Variants in WDR81 observed in about 807,000 individuals in gnomAD.
WDR81 encodes WD repeat domain 81, also known as WD repeat-containing protein 81.
WDR81 carries 92 observed loss-of-function variants against 140.8 expected under a neutral mutation model. The ratio of observed to expected loss-of-function variants is 0.65; its 90% CI spans 0.55 to 0.78. The LOEUF is 0.78. Ranked by LOEUF, WDR81 falls within the 30% of genes least tolerant of loss-of-function variation. The pLI is 0.00. For missense variants in WDR81, 2,502 were observed against 2,636.4 expected, an observed-to-expected ratio of 0.95 and a Z score of 1.12; for synonymous variants, 1,183 against 1,156.4, an observed-to-expected ratio of 1.02 and a Z score of -0.47.
chr17:1,730,549 C>T (rs1011966131), intron 2 of WDR81, 62 bp downstream of exon 2: 15 of 1,530,192 alleles, frequency 9.8e-6, no homozygotes, highest in Non-Finnish European at 1.3e-5. Context: ...TGCCTAGCTT[C>T]AGCGCTCTCC....
Position 1,736,109 on chromosome 17 carries a change from G to T in WDR81, c.5396G>T (p.Arg1799Leu), listed in dbSNP as rs780532350. 3.1e-6 allele frequency: 5 copies of T among 1,602,716 alleles called. No homozygotes were observed. The highest frequency in any genetic ancestry group is 4.2e-6 in the Non-Finnish European group (5 of 1,179,860). The change falls in exon 9 of 10, where the codon CGT becomes CTT. Residue 1799 changes from arginine to leucine, a missense_variant. This residue lies in a region of WDR81 where 1,737 missense variants were observed against 1,843.0 expected (regional missense o/e 0.94). Transcript: ENST00000409644. ...VRALAISPSG[R>L]SVVAGFSSGF... ...GCCCTGGCCATCAGCCCCAGTGGCC[G>T]TAGTGTCGTGGCCGGCTTCTCCTCA...
upstream of WDR81, among the ~76,000 whole-genome samples, chr17:1,723,025 C>T (rs972822607): frequency 6.6e-6 from 1 of 152,090 alleles, no homozygotes; most frequent in Non-Finnish European, 1.5e-5. Flanking sequence ...CTTTATGGGA[C>T]CCTCACACCT....
rs144705199 is a variant in WDR81, at chr17:1,730,808, G to A, written c.3829G>A (p.Ala1277Thr). 71 of 1,612,330 alleles carry A rather than the reference G, an allele frequency of 4.4e-5. No individual in the cohort carries two copies. The African/African-American group carries it at 7.2e-4, about 16-fold the overall frequency. The change falls in exon 3 of 10, where the codon GCC becomes ACC. Residue 1277 changes from alanine to threonine, a missense_variant. Ala to Thr is a moderately conservative substitution (Grantham distance 58). This residue lies in a region of WDR81 where 1,737 missense variants were observed against 1,843.0 expected (regional missense o/e 0.94). Transcript: ENST00000409644. ...VSSGESPPLS[A>T]GNIYQKRPVL... ...CAGTGGCGAGAGCCCACCGCTGAGC[G>A]CCGGCAACATCTACCAGAAGAGGCC...
chr17:1,736,909 A>C (rs1904916170), intron 9 of WDR81, among the ~76,000 whole-genome samples: 1 of 152,182 alleles, frequency 6.6e-6, no homozygotes, highest in South Asian at 2.1e-4. Context: ...GGGAACCCTC[A>C]GCTCAAGGTG....
At chr17:1,716,847 T>C (rs1914592463) in intron 1 of WDR81, 2 of 616,088 alleles carry the variant, frequency 3.2e-6, no homozygotes, top group Non-Finnish European at 5.6e-6. Flanking sequence ...CAGCAGAGAC[T>C]GCCGTTGGAG....
Position 1,731,317 on chromosome 17 carries a change from G to C in WDR81, c.4157+59G>C, listed in dbSNP as rs374270270. ...GGCCCAGCGGAGGGGCTGCCCAGGA[G>C]GGGGTGGGAAGCTCAGGGGAGAGGA... On this transcript the variant is annotated intron_variant, in intron 4 of 9. Transcript: ENST00000409644. 3.7e-5 allele frequency: 58 copies of C among 1,555,002 alleles called. No homozygotes were observed. In the African/African-American group the frequency reaches 6.1e-4, roughly 16 times the overall value.
Position 1,727,283 on chromosome 17 carries a change from G to A in WDR81, c.2324G>A (p.Gly775Asp). ...CTCCACAGGGACATGCAGGCGCTGG[G>A]TGTCCTATTGGCAGAGATGGTGTTT... ...CLLHRDMQAL[G>D]VLLAEMVFAT... The change falls in exon 1 of 10, where the codon GGT becomes GAT. Residue 775 changes from glycine (G) to aspartate (D), a missense_variant. Coordinates refer to ENST00000409644, the MANE Select transcript of WDR81 (RefSeq NM_001163809.2). The A allele has an allele frequency of 6.5e-7, 1 of 1,550,234 alleles. No homozygotes were observed. Among genetic ancestry groups the A allele is most frequent in the East Asian group, 2.4e-5 (1 of 40,922 alleles).
Position 1,735,706 on chromosome 17 carries a change from C to T in WDR81, c.5314C>T (p.Pro1772Ser), listed in dbSNP as rs144021458. 160 of 1,612,258 alleles carry T rather than the reference C, an allele frequency of 9.9e-5. No homozygotes were observed. In the Middle Eastern group the frequency reaches 2.0e-3, roughly 20 times the overall value. The change falls in exon 8 of 10, where the codon CCT becomes TCT. Residue 1772 changes from proline (P) to serine (S), a missense_variant. By Grantham distance (74) the Pro-to-Ser change is moderately conservative (BLOSUM62 -1). Transcript: ENST00000409644. The surrounding 1 kb of genome is among the most constrained non-coding windows in gnomAD (Gnocchi z 4.2). Reference sequence around the variant, plus strand: ...CCTGCGCTTTGTGGACTGCAGGAAGCCTGGTCTGCAGGTCAGGGGGGTCCA... The same window carrying T: ...CCTGCGCTTTGTGGACTGCAGGAAGTCTGGTCTGCAGGTCAGGGGGGTCCA... Reference protein sequence around the residue: ...STLRFVDCRKPGLQHEFRLGG... With the variant: ...STLRFVDCRKSGLQHEFRLGG...
In WDR81 at chr17:1,735,467, C is replaced by G. The variant is rs972868439; in HGVS notation, c.5180-105C>G. ...CATCTTTAGCATTTTCTAAGGATCC[C>G]TGGGGGACGGGAGGCAGGTGTGCGG... On this transcript the variant is annotated intron_variant, in intron 7 of 9. Coordinates refer to ENST00000409644, the MANE Select transcript of WDR81 (RefSeq NM_001163809.2). The surrounding 1 kb of genome is among the most constrained non-coding windows in gnomAD (Gnocchi z 4.2). 84 of 1,199,018 alleles carry G rather than the reference C, an allele frequency of 7.0e-5. No individual in the cohort carries two copies. Among genetic ancestry groups the G allele is most frequent in the Non-Finnish European group, 9.3e-5 (82 of 883,120 alleles). The allele number at this position is 1,199,018 out of a possible 1,614,324, so 74.3% of individuals were successfully genotyped here.
chr17:1,737,290 A>C, intron 9 of WDR81, 75 bp from the exon 10 acceptor site: 6 of 1,413,864 alleles, frequency 4.2e-6, no homozygotes, highest in Middle Eastern at 1.9e-4. Context: ...TGCGGAGGGA[A>C]CTGGGAAGGC....
At position 1,724,762 on chromosome 17, in the gene WDR81, C is replaced by T. The variant is rs913961721; in HGVS notation, c.-198C>T. 4 of 1,143,652 alleles carry T rather than the reference C, an allele frequency of 3.5e-6. No individual in the cohort carries two copies. Among genetic ancestry groups the T allele is most frequent in the Non-Finnish European group, 4.3e-6 (4 of 931,834 alleles). The allele number at this position is 1,143,652 out of a possible 1,614,324, so 70.8% of individuals were successfully genotyped here. ...GCCCGGCAGCCTCTGCCCCGCCGCG[C>T]CCGGAGCGCAGGACCCGCGGAGGGG... On this transcript the variant is annotated 5_prime_UTR_variant, in exon 1 of 10. Coordinates refer to ENST00000409644, the MANE Select transcript of WDR81 (RefSeq NM_001163809.2).
chr17:1,735,628 G>A lies in WDR81; in HGVS notation c.5236G>A (p.Ala1746Thr). 1 of 1,612,840 alleles carries A rather than the reference G, an allele frequency of 6.2e-7. No individual in the cohort carries two copies. Among genetic ancestry groups the A allele is most frequent in the Non-Finnish European group, 8.5e-7 (1 of 1,179,916 alleles). ...CAGCCGGGTGCCCCTGACTGCGGTGGCTGTCATGCCCGCCCCCCACACCAG... is the reference window on the plus strand; with the variant it reads ...CAGCCGGGTGCCCCTGACTGCGGTGACTGTCATGCCCGCCCCCCACACCAG... The part of the protein sequence containing the change: ...LDSRVPLTAV[A>T]VMPAPHTSIT... Residue 1746 changes from alanine (A) to threonine (T), a missense_variant, in exon 8 of 10, where the codon GCT (alanine) becomes ACT (threonine). By Grantham distance (58) the Ala-to-Thr change is moderately conservative. Around this residue, in one of 3 missense-constraint regions of WDR81, gnomAD observed 1,737 missense variants for 1,843.0 expected, o/e 0.94. Coordinates refer to ENST00000409644, the MANE Select transcript of WDR81 (RefSeq NM_001163809.2). The surrounding 1 kb of genome is among the most constrained non-coding windows in gnomAD (Gnocchi z 4.2).
chr17:1,724,519 C>G (rs573390298), upstream of WDR81: 1 of 986,290 alleles, frequency 1.0e-6, no homozygotes, highest in African/African-American at 1.7e-5. Flanking sequence ...TCGCCCTCCG[C>G]CGGGCCCGGC....
chr17:1,732,715 T>A lies in WDR81; in HGVS notation c.4373T>A (p.Val1458Glu). ...CGTGGTGAGGGCCAGCTGCCACAGG[T>A]GGTCTTCTCTGATGGGCAGCAGCGG... ...AGRGEGQLPQVVFSDGQQRPV... is the reference protein window; with the variant it reads ...AGRGEGQLPQEVFSDGQQRPV... The change falls in exon 6 of 10, where the codon GTG becomes GAG. Residue 1458 changes from valine to glutamate, a missense_variant. Physicochemically the swap from Val to Glu is moderately radical, Grantham distance 121. This residue lies in a region of WDR81 where 1,737 missense variants were observed against 1,843.0 expected (regional missense o/e 0.94). Transcript: ENST00000409644. The A allele has an allele frequency of 6.2e-7, 1 of 1,612,526 alleles. No individual in the cohort carries two copies. Among genetic ancestry groups the A allele is most frequent in the Non-Finnish European group, 8.5e-7 (1 of 1,179,796 alleles).
At position 1,727,676 on chromosome 17, in the gene WDR81, G is replaced by A. The variant is rs1281078523; in HGVS notation, c.2717G>A (p.Trp906Ter). 1.3e-6 allele frequency: 2 copies of A among 1,550,558 alleles called. No individual in the cohort carries two copies. Among genetic ancestry groups the A allele is most frequent in the Non-Finnish European group, 1.7e-6 (2 of 1,147,010 alleles). ...AQGRELVFAL[W>*]QQLGAVLKDI... ...GGGCGCGAGCTGGTGTTTGCTCTGT[G>A]GCAGCAGCTGGGCGCGGTGCTGAAG... is the stretch of plus-strand genomic sequence containing the variant. The change falls in exon 1 of 10, where the codon TGG becomes TAG. Residue 906 changes from tryptophan (W) to a stop codon, truncating the protein, a stop_gained. Coordinates refer to ENST00000409644, the MANE Select transcript of WDR81 (RefSeq NM_001163809.2). LOFTEE classifies it high-confidence loss of function.
At chr17:1,720,767 GAA>G (rs34403956), upstream of WDR81, among the ~76,000 whole-genome samples, 58 of 125,868 alleles carry the variant, frequency 4.6e-4, no homozygotes, top group South Asian at 1.5e-3. Context: ...TCCGTATCAA[GAA>G]AAAAAAAAAA....
In WDR81 at chr17:1,725,067, G is replaced by T; in HGVS notation, c.108G>T (p.Arg36Ser). Residue 36 changes from arginine (R) to serine (S), a missense_variant, in exon 1 of 10, where the codon AGG (arginine) becomes AGT (serine). Physicochemically the swap from Arg to Ser is moderately radical, Grantham distance 110. Around this residue, in one of 3 missense-constraint regions of WDR81, gnomAD observed 547 missense variants for 513.8 expected, o/e 1.06. Coordinates refer to ENST00000409644, the MANE Select transcript of WDR81 (RefSeq NM_001163809.2). ...DMQELLRSVE[R>S]DLSIDPRQLA... ...AGGAGCTGCTCCGGAGCGTGGAGAG[G>T]GACCTGAGCATCGATCCCAGGCAGC... 6.7e-7 allele frequency: 1 copy of T among 1,486,080 alleles called. No individual in the cohort carries two copies. 92.1% of individuals were successfully genotyped at this position (1,486,080 alleles called of 1,614,324 possible).
At chr17:1,723,437 T>A (rs1914989218), upstream of WDR81, among the ~76,000 whole-genome samples, 3 of 144,240 alleles carry the variant, frequency 2.1e-5, no homozygotes, top group Admixed American at 7.0e-5. Context: ...ATTTATTTGG[T>A]TTTATTTTTA....
rs753601827 is a variant in WDR81, at chr17:1,736,082, G to A, written c.5369G>A (p.Arg1790His). Residue 1790 changes from arginine (R) to histidine (H), a missense_variant, in exon 9 of 10, where the codon CGT becomes CAT. Transcript: ENST00000409644. ...LGGGLNPGLVRALAISPSGRS... is the reference protein window; with the variant it reads ...LGGGLNPGLVHALAISPSGRS... ...GGTGGGCTGAACCCTGGGCTTGTCC[G>A]TGCCCTGGCCATCAGCCCCAGTGGC... 1.3e-5 allele frequency: 21 copies of A among 1,601,536 alleles called. No homozygotes were observed. The highest frequency in any genetic ancestry group is 2.7e-5 in the African/African-American group (2 of 74,898).
Sources: allele counts gnomAD v4.1 joint callset (sites outside exome capture counted in the v4.1 genomes callset), GRCh38; gene constraint gnomAD v4.1.1; regional missense constraint gnomAD v4.1.1; non-coding constraint Gnocchi (gnomAD v3.1); transcripts MANE v1.5; gene names NCBI Gene and HGNC (gene_info 2026-07-23, HGNC 2026-07-21).